Variants in MLLT3 observed in about 807,000 individuals in gnomAD.
The protein encoded by MLLT3 is protein AF-9.
A neutral mutation model predicts 53.2 loss-of-function variants in MLLT3; 4 were observed. That is an observed-to-expected ratio of 0.08 (90% CI 0.04 to 0.17). The LOEUF (loss-of-function observed/expected upper bound fraction) is 0.17, where lower values mean the gene tolerates loss of function less well. MLLT3 is among the 10% of genes least tolerant of loss of function. The probability of loss-of-function intolerance (pLI) is 1.00; values close to 1 mark genes in which losing one functional copy is unlikely to be tolerated. For missense variants in MLLT3, 569 were observed against 684.0 expected (o/e 0.83, Z 1.87); for synonymous variants, 283 against 230.6 (o/e 1.23, Z -2.06).
At chr9:20,488,695 G>A (rs1311247369) in intron 2 of MLLT3, among the ~76,000 whole-genome samples, 1 of 152,178 alleles carries the variant, frequency 6.6e-6, no homozygotes, top group East Asian at 1.9e-4. Flanking sequence ...TTGCTCTCCT[G>A]AAATGAAATT....
At position 20,343,545 on chromosome 9, in the gene MLLT3, T is replaced by A. The variant is rs796642481; in HGVS notation, c.*2898A>T. 2.2e-5 allele frequency: 5 copies of A among 229,126 alleles called. No homozygotes were observed. The highest frequency in any genetic ancestry group is 4.3e-5 in the Non-Finnish European group (5 of 115,632). 14.2% of individuals were successfully genotyped at this position (229,126 alleles called of 1,614,324 possible). On this transcript the variant is annotated 3_prime_UTR_variant, in exon 11 of 11. Coordinates refer to ENST00000380338, the MANE Select transcript of MLLT3 (RefSeq NM_004529.4). ...GGAACCCCAAACCCACCAACACACA[T>A]CCTGCTGCAAAACCAGAGGCAAAAG...
intron 5 of MLLT3, among the ~76,000 whole-genome samples, chr9:20,409,622 G>A (rs1822673145): frequency 6.6e-6 from 1 of 152,086 alleles, no homozygotes; most frequent in Admixed American, 6.6e-5. Flanking sequence ...AATAGCCTCA[G>A]TTCTTGAATG....
At chr9:20,582,904 CT>C (rs749266195) in intron 2 of MLLT3, among the ~76,000 whole-genome samples, 34 of 152,268 alleles carry the variant, frequency 2.2e-4, no homozygotes, top group Admixed American at 4.6e-4. Flanking sequence ...CATTCCACCC[CT>C]GGCCCCTCAA....
chr9:20,615,739 G>C (rs193032370), intron 2 of MLLT3, among the ~76,000 whole-genome samples: 15 of 151,824 alleles, frequency 9.9e-5, no homozygotes, highest in African/African-American at 3.4e-4. Flanking sequence ...TAAGTTATGT[G>C]CCTTTTTCCT....
At chr9:20,406,692 T>A (rs890030835) in intron 5 of MLLT3, among the ~76,000 whole-genome samples, 1 of 152,236 alleles carries the variant, frequency 6.6e-6, no homozygotes, top group Non-Finnish European at 1.5e-5. Flanking sequence ...TCTATGACCG[T>A]GAAAGGCAAG....
At chr9:20,616,119 C>T (rs1411923971) in intron 2 of MLLT3, among the ~76,000 whole-genome samples, 1 of 152,020 alleles carries the variant, frequency 6.6e-6, no homozygotes, top group African/African-American at 2.4e-5. Flanking sequence ...GGATCTTAAG[C>T]CCAATAAGTA....
intron 5 of MLLT3, among the ~76,000 whole-genome samples, chr9:20,403,548 C>G (rs1822507386): frequency 6.6e-6 from 1 of 152,294 alleles, no homozygotes; most frequent in African/African-American, 2.4e-5. Flanking sequence ...TGACTTGTTA[C>G]AAGTCTCTGA....
chr9:20,458,635 G>A (rs375577641), intron 2 of MLLT3, among the ~76,000 whole-genome samples: 12 of 152,248 alleles, frequency 7.9e-5, no homozygotes, highest in African/African-American at 2.4e-4. Context: ...GTGAGGACAT[G>A]GTGAGAAGAT....
At chr9:20,419,335 G>A (rs968860611) in intron 4 of MLLT3, among the ~76,000 whole-genome samples, 21 of 152,026 alleles carry the variant, frequency 1.4e-4, no homozygotes, top group African/African-American at 4.3e-4. Flanking sequence ...AATACAAAGC[G>A]ATGAAAGTCA....
intron 2 of MLLT3, among the ~76,000 whole-genome samples, chr9:20,608,071 C>T (rs952571031): frequency 6.6e-6 from 1 of 151,764 alleles, no homozygotes. Flanking sequence ...CTTTCTCTGC[C>T]CTAAATCTTT....
At chr9:20,480,202 G>C (rs1824627054) in intron 2 of MLLT3, among the ~76,000 whole-genome samples, 1 of 152,208 alleles carries the variant, frequency 6.6e-6, no homozygotes, top group East Asian at 1.9e-4. Context: ...AAAATCAAAA[G>C]TTTGCAGAAA....
intron 4 of MLLT3, among the ~76,000 whole-genome samples, chr9:20,442,391 G>C (rs1823576846): frequency 6.6e-6 from 1 of 152,172 alleles, no homozygotes; most frequent in South Asian, 2.1e-4. Flanking sequence ...ATATCCATGT[G>C]CACAAAGAAC....
intron 2 of MLLT3, among the ~76,000 whole-genome samples, chr9:20,534,124 C>T (rs1039027247): frequency 1.3e-5 from 2 of 152,166 alleles, no homozygotes; most frequent in East Asian, 3.9e-4. Context: ...AAAGCTACCA[C>T]CAGAATATTC....
intron 2 of MLLT3, among the ~76,000 whole-genome samples, chr9:20,480,416 T>C (rs992541275): frequency 6.6e-6 from 1 of 152,212 alleles, no homozygotes; most frequent in Non-Finnish European, 1.5e-5. Flanking sequence ...AAGTTTCTCT[T>C]CATGCAAACA....
chr9:20,582,292 T>C (rs1390849030), intron 2 of MLLT3, among the ~76,000 whole-genome samples: 2 of 152,180 alleles, frequency 1.3e-5, no homozygotes, highest in African/African-American at 4.8e-5. Context: ...GGAAGTTCTA[T>C]GGGTTTTGAC....
Position 20,345,757 on chromosome 9 carries a change from A to G in MLLT3, c.*686T>C. 4.5e-6 allele frequency: 1 copy of G among 220,450 alleles called. No individual in the cohort carries two copies. The allele number at this position is 220,450 out of a possible 1,614,324, so 13.7% of individuals were successfully genotyped here. A position where few individuals can be genotyped will look rare whatever the true frequency, so the allele number is the denominator to read the frequency against. ...AGCCAAGGACTGGGCCCCAACTTTC[A>G]GGAAAAAGACCACAAAGAAGAAAAT... is the stretch of plus-strand genomic sequence containing the variant. On this transcript the variant is annotated 3_prime_UTR_variant, in exon 11 of 11. Transcript: ENST00000380338.
At chr9:20,553,231 A>C (rs1013727756) in intron 2 of MLLT3, among the ~76,000 whole-genome samples, 3 of 152,226 alleles carry the variant, frequency 2.0e-5, no homozygotes, top group Non-Finnish European at 4.4e-5. Flanking sequence ...TCGACACTAA[A>C]TGTAACTGTA....
At chr9:20,568,729 CTGTT>C (rs1819449797) in intron 2 of MLLT3, among the ~76,000 whole-genome samples, 1 of 152,200 alleles carries the variant, frequency 6.6e-6, no homozygotes, top group Non-Finnish European at 1.5e-5. Flanking sequence ...AAAATATCAT[CTGTT>C]TAACAAGGTT....
At chr9:20,432,385 C>CT (rs140218720) in intron 4 of MLLT3, among the ~76,000 whole-genome samples, 3,071 of 152,096 alleles carry the variant, frequency 0.02, 86 homozygotes, top group African/African-American at 0.065. Flanking sequence ...ATATTCTTAC[C>CT]TTTTTTTACC....
Sources: gnomAD v4.1 joint callset for allele counts (sites outside exome capture counted in the v4.1 genomes callset) on GRCh38, gnomAD v4.1.1 for gene constraint, MANE v1.5 for transcripts, NCBI Gene and HGNC (gene_info 2026-07-23, HGNC 2026-07-21) for gene names.